DNAH14: variants seen among roughly 807,000 people sequenced by gnomAD.
DNAH14 encodes the protein axonemal beta dynein heavy chain 14.
Under a neutral mutation model 520.9 loss-of-function variants are expected in DNAH14, and 478 were observed. The observed-to-expected ratio is 0.92, with a 90% CI of 0.85 to 0.99. The LOEUF (loss-of-function observed/expected upper bound fraction) is 0.99, where lower values mean the gene tolerates loss of function less well. Among genes scored for constraint, DNAH14 ranks in the 50% least tolerant of loss-of-function variants. The pLI, the probability that DNAH14 is intolerant of heterozygous loss-of-function variation, is 0.00. For synonymous variants in DNAH14, 1,581 were observed against 1,757.2 expected, an observed-to-expected ratio of 0.90 and a Z score of 2.51; for missense variants, 4,831 against 5,234.5, an observed-to-expected ratio of 0.92 and a Z score of 2.38.
intron 41 of DNAH14, among the ~76,000 whole-genome samples, chr1:225,229,050 T>A (rs924440935): frequency 6.6e-6 from 1 of 152,166 alleles, no homozygotes; most frequent in African/African-American, 2.4e-5. Flanking sequence ...TTGACAATGT[T>A]TATTATCACA....
intron 36 of DNAH14, among the ~76,000 whole-genome samples, chr1:225,183,136 A>G (rs2084252251): frequency 6.6e-6 from 1 of 152,248 alleles, no homozygotes; most frequent in Non-Finnish European, 1.5e-5. Context: ...ATTGTAAACT[A>G]GAGTACCAGA....
At chr1:225,124,361 C>T (rs1176101201) in intron 27 of DNAH14, among the ~76,000 whole-genome samples, 5 of 152,168 alleles carry the variant, frequency 3.3e-5, no homozygotes, top group Admixed American at 3.3e-4. Flanking sequence ...AGCACTTTGC[C>T]CACAATGGAA....
intron 27 of DNAH14, among the ~76,000 whole-genome samples, chr1:225,140,404 C>G (rs10915787): frequency 1.7e-4 from 26 of 152,108 alleles, no homozygotes; most frequent in African/African-American, 6.0e-4. Flanking sequence ...ACTACATACT[C>G]ACTGTGTTCT....
chr1:225,056,168 C>G (rs1403043355), intron 17 of DNAH14, among the ~76,000 whole-genome samples: 1 of 152,042 alleles, frequency 6.6e-6, no homozygotes, highest in African/African-American at 2.4e-5. Context: ...TAAAAGTGCT[C>G]CTATTTCTCC....
intron 71 of DNAH14, among the ~76,000 whole-genome samples, chr1:225,351,155 ACACTTTG>A (rs2095360223): frequency 6.6e-6 from 1 of 152,112 alleles, no homozygotes; most frequent in African/African-American, 2.4e-5. Flanking sequence ...TGTAATCCCA[ACACTTTG>A]GGAGGTCAAG....
intron 26 of DNAH14, among the ~76,000 whole-genome samples, chr1:225,119,635 T>A (rs1437878330): frequency 6.6e-6 from 1 of 152,310 alleles, no homozygotes; most frequent in East Asian, 1.9e-4. Context: ...TGAGCACACC[T>A]CACTACTTTG....
chr1:225,206,233 T>A, intron 40 of DNAH14, 54 bp downstream of exon 40: 1 of 1,398,270 alleles, frequency 7.2e-7, no homozygotes, highest in East Asian at 2.5e-5. Context: ...TTTATGATAG[T>A]AACTATTTAT....
rs2073673866 is a variant in DNAH14, at chr1:225,085,648, T to G, written c.3432T>G (p.Thr1144=). The change falls in exon 21 of 86, where the codon ACT becomes ACG. Residue 1144 remains threonine, a synonymous_variant. Coordinates refer to ENST00000682510, the MANE Select transcript of DNAH14 (RefSeq NM_001367479.1). ...AGATTATTGATTTTTGGAACACTAC[T>G]CCTTTGCCTTTAATTCTTCACCACA... ...LFKIIDFWNT[T]PLPLILHHTE... 8 of 1,551,194 alleles carry G rather than the reference T, an allele frequency of 5.2e-6. No individual in the cohort carries two copies. Among genetic ancestry groups the G allele is most frequent in the Non-Finnish European group, 7.0e-6 (8 of 1,146,786 alleles).
chr1:224,965,481 A>T (rs1286919375), intron 5 of DNAH14, among the ~76,000 whole-genome samples: 8 of 151,904 alleles, frequency 5.3e-5, no homozygotes, highest in Non-Finnish European at 1.2e-4. Context: ...AAACTACTCA[A>T]CTCTGTCACT....
At chr1:224,947,466 A>C (rs1434003067) in intron 1 of DNAH14, among the ~76,000 whole-genome samples, 1 of 152,112 alleles carries the variant, frequency 6.6e-6, no homozygotes, top group Non-Finnish European at 1.5e-5. Flanking sequence ...GATCGGAGTT[A>C]TTTTGACTGT....
intron 75 of DNAH14, 109 bp downstream of exon 75, chr1:225,361,000 C>T (rs2095486460): frequency 1.0e-6 from 1 of 1,003,138 alleles, no homozygotes. Flanking sequence ...AAATAATGTG[C>T]TGAGCCACTC....
intron 17 of DNAH14, among the ~76,000 whole-genome samples, chr1:225,062,029 G>C (rs949792795): frequency 6.6e-6 from 1 of 152,202 alleles, no homozygotes; most frequent in Non-Finnish European, 1.5e-5. Context: ...GGGTACATTG[G>C]CTCATGCCTC....
intron 42 of DNAH14, among the ~76,000 whole-genome samples, chr1:225,233,816 T>C (rs2091338278): frequency 6.6e-6 from 1 of 152,236 alleles, no homozygotes; most frequent in South Asian, 2.1e-4. Context: ...CAATTTTTGC[T>C]TTAGTTGCAA....
At chr1:224,976,543 A>G (rs2061858802) in intron 8 of DNAH14, among the ~76,000 whole-genome samples, 1 of 152,220 alleles carries the variant, frequency 6.6e-6, no homozygotes, top group Non-Finnish European at 1.5e-5. Context: ...CATCAAAGTG[A>G]ACAGGCAACC....
intron 8 of DNAH14, among the ~76,000 whole-genome samples, chr1:224,981,722 C>T (rs1022105351): frequency 1.3e-5 from 2 of 152,026 alleles, no homozygotes; most frequent in Admixed American, 1.3e-4. Context: ...TCTTATTTAT[C>T]TTTTCAAAGA....
rs76052697 is a variant in DNAH14, at chr1:225,116,709, C to G, written c.3868-975C>G. ...GATGTCAGCATTAAGATGTATGGGT[C>G]CAAGAGGGACTTTTGATGGAAAATA... On this transcript the variant is annotated intron_variant, in intron 23 of 85. Transcript: ENST00000682510. Among the ~76,000 whole-genome samples, 512 of 152,094 alleles carry G rather than the reference C, an allele frequency of 3.4e-3. 2 individuals are homozygous for G. The highest frequency in any genetic ancestry group is 0.011 in the African/African-American group (470 of 41,492).
chr1:225,012,859 C>T (rs2064903466), intron 10 of DNAH14, among the ~76,000 whole-genome samples: 1 of 152,104 alleles, frequency 6.6e-6, no homozygotes, highest in Non-Finnish European at 1.5e-5. Flanking sequence ...TTAGAAATTC[C>T]TCCAGCCTTT....
intron 69 of DNAH14, among the ~76,000 whole-genome samples, chr1:225,342,071 A>T (rs2095194953): frequency 6.6e-6 from 1 of 152,226 alleles, no homozygotes; most frequent in African/African-American, 2.4e-5. Context: ...CTACACAATT[A>T]TAATGTCCAC....
chr1:225,088,966 C>CTTG (rs2074074075), intron 21 of DNAH14, among the ~76,000 whole-genome samples: 1 of 152,118 alleles, frequency 6.6e-6, no homozygotes, highest in Non-Finnish European at 1.5e-5. Flanking sequence ...TAAAACTTTC[C>CTTG]TACAAGGAAT....
Sources: allele counts gnomAD v4.1 joint callset (sites outside exome capture counted in the v4.1 genomes callset), GRCh38; gene constraint gnomAD v4.1.1; transcripts MANE v1.5; gene names NCBI Gene and HGNC (gene_info 2026-07-23, HGNC 2026-07-21).